PGGT1B: variants seen among roughly 807,000 people sequenced by gnomAD.
The protein encoded by PGGT1B is protein geranylgeranyltransferase type I subunit beta.
PGGT1B carries 30 observed loss-of-function variants against 46.1 expected under a neutral mutation model. The ratio of observed to expected loss-of-function variants is 0.65; its 90% confidence interval spans 0.49 to 0.88. The LOEUF (loss-of-function observed/expected upper bound fraction) is 0.88. Among genes scored for constraint, PGGT1B ranks in the 40% least tolerant of loss-of-function variants. The pLI is 0.00. For synonymous variants in PGGT1B, 170 were observed against 160.0 expected (o/e 1.06, Z -0.47); for missense variants, 376 against 455.9 (o/e 0.82, Z 1.60).
Position 115,237,856 on chromosome 5 carries a change from A to T in PGGT1B, c.479+2T>A. ...AAAAAAGTAACAAAGAATCACTCAT[A>T]CCTCCCATCTTCCAGCTGAAGGGCT... On this transcript the variant is annotated splice_donor_variant, in intron 4 of 8. Transcript: ENST00000419445. LOFTEE classifies it high-confidence loss of function. 1 of 1,599,786 alleles carries T rather than the reference A, an allele frequency of 6.3e-7. No homozygotes were observed. Among genetic ancestry groups the T allele is most frequent in the Non-Finnish European group, 8.5e-7 (1 of 1,176,678 alleles).
At chr5:115,250,085 A>G (rs891190755) in intron 2 of PGGT1B, among the ~76,000 whole-genome samples, 4 of 152,304 alleles carry the variant, frequency 2.6e-5, no homozygotes, top group East Asian at 1.9e-4. Flanking sequence ...CTGCAAATTC[A>G]TCACTTATTT....
chr5:115,216,233 G>C (rs899571045), intron 8 of PGGT1B, among the ~76,000 whole-genome samples: 2 of 152,080 alleles, frequency 1.3e-5, no homozygotes, highest in African/African-American at 4.8e-5. Flanking sequence ...TCTGCTTCCT[G>C]GGTTTAAGTG....
Position 115,206,818 on chromosome 5 carries a change from G to C in PGGT1B, c.*5584C>G, listed in dbSNP as rs1756080033. On this transcript the variant is annotated 3_prime_UTR_variant, in exon 9 of 9. Transcript: ENST00000419445. ...AAAAATTCTGATAGCTTCTGCCATG[G>C]AGGATTTAGAGTATGTTTTAGTGTC... The C allele has an allele frequency of 6.6e-6, 1 of 151,922 alleles. No homozygotes were observed. Among genetic ancestry groups the C allele is most frequent in the Non-Finnish European group, 1.5e-5 (1 of 67,892 alleles). The allele number at this position is 151,922 out of a possible 1,614,324, so 9.4% of individuals were successfully genotyped here. A position where few individuals can be genotyped will look rare whatever the true frequency, so the allele number is the denominator to read the frequency against.
rs1756172484 is a variant in PGGT1B, at chr5:115,209,892, A to T, written c.*2510T>A. 1 of 152,070 alleles carries T rather than the reference A, an allele frequency of 6.6e-6. No individual in the cohort carries two copies. Among genetic ancestry groups the T allele is most frequent in the Non-Finnish European group, 1.5e-5 (1 of 67,994 alleles). 9.4% of individuals were successfully genotyped at this position (152,070 alleles called of 1,614,324 possible). Reference sequence around the variant, plus strand: ...CACGGCAGAGTTAGGGTCCAAGATCATGCTGCTGAACTGGCAAATCTGGGA... The same window carrying T: ...CACGGCAGAGTTAGGGTCCAAGATCTTGCTGCTGAACTGGCAAATCTGGGA... On this transcript the variant is annotated 3_prime_UTR_variant, in exon 9 of 9. Coordinates refer to ENST00000419445, the MANE Select transcript of PGGT1B (RefSeq NM_005023.4).
At chr5:115,234,408 G>A (rs897081560) in intron 5 of PGGT1B, among the ~76,000 whole-genome samples, 3 of 151,590 alleles carry the variant, frequency 2.0e-5, no homozygotes, top group African/African-American at 7.3e-5. Flanking sequence ...GAGGGTGAGG[G>A]GCAAGGAGTC....
chr5:115,234,860 G>T lies in PGGT1B; in HGVS notation c.612+1530C>A, dbSNP rs1173496418. Among the ~76,000 whole-genome samples the T allele has an allele frequency of 2.6e-5, 4 of 151,992 alleles. No individual in the cohort carries two copies. In the East Asian group the frequency reaches 7.7e-4, roughly 29 times the overall value. On this transcript the variant is annotated intron_variant, in intron 5 of 8. Coordinates refer to ENST00000419445, the MANE Select transcript of PGGT1B (RefSeq NM_005023.4). ...ATATATAGACATATAAATAGATACA[G>T]AAATATAGATTCTGTGTGTCTGTAA...
intron 6 of PGGT1B, among the ~76,000 whole-genome samples, chr5:115,226,877 C>T (rs973167073): frequency 6.6e-6 from 1 of 151,892 alleles, no homozygotes; most frequent in African/African-American, 2.4e-5. Context: ...GAAGGTGACA[C>T]TTGAACCCCT....
At chr5:115,261,786 A>G (rs1748566120) in intron 1 of PGGT1B, among the ~76,000 whole-genome samples, 1 of 152,218 alleles carries the variant, frequency 6.6e-6, no homozygotes, top group Non-Finnish European at 1.5e-5. Context: ...TGGATTATGT[A>G]CATGCCTGTC....
intron 1 of PGGT1B, among the ~76,000 whole-genome samples, chr5:115,253,539 G>A (rs2127030017): frequency 6.6e-6 from 1 of 151,994 alleles, no homozygotes; most frequent in South Asian, 2.1e-4. Flanking sequence ...TCACCAAACT[G>A]AAGGCTAAAG....
intron 6 of PGGT1B, among the ~76,000 whole-genome samples, chr5:115,223,115 A>T (rs542688722): frequency 4.0e-4 from 57 of 141,458 alleles, no homozygotes; most frequent in African/African-American, 1.2e-3. Context: ...CTTAAAGTAT[A>T]AAAAAAAAAA....
chr5:115,254,083 A>G (rs1748211864), intron 1 of PGGT1B, among the ~76,000 whole-genome samples: 1 of 152,052 alleles, frequency 6.6e-6, no homozygotes, highest in Admixed American at 6.5e-5. Flanking sequence ...CTGGTCTAAA[A>G]TTTTACAGCA....
At chr5:115,218,298 T>C (rs1241547228) in intron 7 of PGGT1B, among the ~76,000 whole-genome samples, 1 of 151,088 alleles carries the variant, frequency 6.6e-6, no homozygotes, top group East Asian at 1.9e-4. Context: ...TTCAGAAAGC[T>C]GTCAAAGACT....
At chr5:115,223,501 T>A (rs985512650) in intron 6 of PGGT1B, among the ~76,000 whole-genome samples, 1 of 152,124 alleles carries the variant, frequency 6.6e-6, no homozygotes, top group African/African-American at 2.4e-5. Context: ...TGGTAAGGAA[T>A]GCCAGCAGCC....
At chr5:115,226,572 G>A (rs571693978) in intron 6 of PGGT1B, among the ~76,000 whole-genome samples, 107 of 151,892 alleles carry the variant, frequency 7.0e-4, no homozygotes, top group African/African-American at 2.6e-3. Context: ...ATTTAAATTG[G>A]GGAATGAGAA....
intron 2 of PGGT1B, 143 bp from the exon 3 acceptor site, chr5:115,241,749 C>G (rs746296870): frequency 3.4e-5 from 18 of 533,318 alleles, no homozygotes; most frequent in Admixed American, 2.4e-4. Flanking sequence ...TTACCATGTG[C>G]CAGGTCCATT....
chr5:115,253,171 C>T lies in PGGT1B; in HGVS notation c.225G>A (p.Trp75Ter). 6.2e-7 allele frequency: 1 copy of T among 1,606,194 alleles called. No individual in the cohort carries two copies. The highest frequency in any genetic ancestry group is 8.5e-7 in the Non-Finnish European group (1 of 1,176,836). Residue 75 changes from tryptophan (W) to a stop codon, truncating the protein, a stop_gained, in exon 2 of 9, where the codon TGG becomes TGA. Coordinates refer to ENST00000419445, the MANE Select transcript of PGGT1B (RefSeq NM_005023.4). LOFTEE classifies it high-confidence loss of function. The stretch of plus-strand genomic sequence containing the variant: ...TGGGAAGGACCTGCAGGGAATAAAT[C>T]CACTCTATTATATCATCTTTGTTCA... Reference protein sequence around the residue: ...DVVNKDDIIEWIYSLQVLPTE... With the variant: ...DVVNKDDIIE
intron 1 of PGGT1B, among the ~76,000 whole-genome samples, chr5:115,254,331 G>C (rs1201381801): frequency 1.3e-5 from 2 of 151,908 alleles, no homozygotes; most frequent in African/African-American, 4.8e-5. Flanking sequence ...TACATGAGAT[G>C]ATACCCCACT....
rs1489466199 is a variant in PGGT1B at position 115,210,235 on chromosome 5, T to A, written c.*2167A>T. On this transcript the variant is annotated 3_prime_UTR_variant, in exon 9 of 9. Coordinates refer to ENST00000419445, the MANE Select transcript of PGGT1B (RefSeq NM_005023.4). ...AATTAGGGGGCGGGAAGGAGACAAG[T>A]ATAGAGTAGGTAACAGAGCTTTTTG... is the stretch of plus-strand genomic sequence containing the variant. 6.6e-6 allele frequency: 1 copy of A among 151,944 alleles called. No homozygotes were observed. The highest frequency in any genetic ancestry group is 1.5e-5 in the Non-Finnish European group (1 of 67,942). 9.4% of individuals were successfully genotyped at this position (151,944 alleles called of 1,614,324 possible). A position where few individuals can be genotyped will look rare whatever the true frequency, so the allele number is the denominator to read the frequency against.
chr5:115,222,511 C>T (rs1490608072), intron 6 of PGGT1B, among the ~76,000 whole-genome samples: 1 of 152,090 alleles, frequency 6.6e-6, no homozygotes, highest in South Asian at 2.1e-4. Context: ...ACAGTCCCAC[C>T]AACAGTGTAA....
Sources: allele counts gnomAD v4.1 joint callset (sites outside exome capture counted in the v4.1 genomes callset), GRCh38; gene constraint gnomAD v4.1.1; transcripts MANE v1.5; gene names NCBI Gene and HGNC (gene_info 2026-07-23, HGNC 2026-07-21).